Variants in N4BP2L2 observed in about 807,000 individuals in gnomAD.
N4BP2L2 encodes NEDD4 binding protein 2 like 2, also known as NEDD4-binding protein 2-like 2.
Under a neutral mutation model 56.2 loss-of-function variants are expected in N4BP2L2, and 50 were observed. That is an observed-to-expected ratio of 0.89 (90% CI 0.71 to 1.13). N4BP2L2 has a LOEUF of 1.13. Ranked by LOEUF, N4BP2L2 falls within the 50% of genes most tolerant of loss-of-function variation. The pLI, the probability that N4BP2L2 is intolerant of heterozygous loss-of-function variation, is 0.00. For missense variants in N4BP2L2, 689 were observed against 693.8 expected (o/e 0.99, Z 0.08); for synonymous variants, 203 against 223.6 (o/e 0.91, Z 0.82).
At chr13:32,535,968 A>G in exon 2 of N4BP2L2, 1 of 1,614,042 alleles carries the variant, frequency 6.2e-7, no homozygotes, top group Non-Finnish European at 8.5e-7. Flanking sequence ...TGCATACTGC[A>G]GCCATTTCCA....
intron 6 of N4BP2L2, among the ~76,000 whole-genome samples, chr13:32,466,244 T>A (rs943399263): frequency 6.6e-5 from 10 of 152,128 alleles, no homozygotes; most frequent in African/African-American, 2.4e-4. Flanking sequence ...TGCATTAATA[T>A]GGCTAAAAAA....
intron 6 of N4BP2L2, among the ~76,000 whole-genome samples, chr13:32,501,193 GA>G (rs2089941360): frequency 6.6e-6 from 1 of 152,082 alleles, no homozygotes; most frequent in African/African-American, 2.4e-5. Flanking sequence ...TGTGAAAACA[GA>G]AAACTGACAT....
At chr13:32,522,071 G>C (rs563066759) in intron 4 of N4BP2L2, 111 bp downstream of exon 4, 10 of 709,918 alleles carry the variant, frequency 1.4e-5, no homozygotes, top group Non-Finnish European at 1.9e-5. Flanking sequence ...AACCTCTTTA[G>C]AAAACAAAGG....
chr13:32,442,880 G>T, exon 7 of N4BP2L2: 1 of 1,613,104 alleles, frequency 6.2e-7, no homozygotes, highest in Non-Finnish European at 8.5e-7. Flanking sequence ...AATGGATGAT[G>T]ATCAAAGGTC....
chr13:32,439,913 C>G (rs2076048907), intron 7 of N4BP2L2, among the ~76,000 whole-genome samples: 1 of 149,892 alleles, frequency 6.7e-6, no homozygotes, highest in African/African-American at 2.4e-5. Context: ...GTAATCCCAC[C>G]TACTTGGGAA....
intron 6 of N4BP2L2, chr13:32,446,347 G>A (rs1343749070): frequency 7.3e-7 from 1 of 1,363,950 alleles, no homozygotes; most frequent in Admixed American, 1.9e-5. Context: ...TCTCCTTCAT[G>A]GCCAGTTCTA....
exon 6 of N4BP2L2, chr13:32,513,592 T>TA (rs1480037233): frequency 6.6e-6 from 1 of 152,202 alleles, no homozygotes; most frequent in African/African-American, 2.4e-5. Flanking sequence ...GGAAAATTTT[T>TA]AATTTATAAA....
chr13:32,528,141 AT>A (rs1477985253), intron 2 of N4BP2L2, among the ~76,000 whole-genome samples: 1 of 152,234 alleles, frequency 6.6e-6, no homozygotes, highest in African/African-American at 2.4e-5. Context: ...TCTCAAAATT[AT>A]ATCAACTATT....
At chr13:32,517,439 A>G (rs2049477261) in exon 6 of N4BP2L2, 1 of 997,454 alleles carries the variant, frequency 1.0e-6, no homozygotes, top group East Asian at 1.1e-4. Flanking sequence ...GTAAAGTTTT[A>G]TGAAAAGTTA....
At position 32,478,158 on chromosome 13, in the gene N4BP2L2, G is replaced by A. The variant is rs2083743873; in HGVS notation, c.366-34032C>T. On this transcript the variant is annotated intron_variant, in intron 6 of 9. Coordinates refer to the N4BP2L2 transcript ENST00000357505. ...CATGGCCAGAACATTCAATCTCAACGAAGAACTTGGGCAGGTAAAACATCT... is the reference window on the plus strand; with the variant it reads ...CATGGCCAGAACATTCAATCTCAACAAAGAACTTGGGCAGGTAAAACATCT... The A allele has an allele frequency of 8.6e-6, 7 of 814,872 alleles. No homozygotes were observed. In the South Asian group the frequency reaches 1.3e-4, roughly 15 times the overall value. The allele number at this position is 814,872 out of a possible 1,614,324, so 50.5% of individuals were successfully genotyped here.
intron 6 of N4BP2L2, among the ~76,000 whole-genome samples, chr13:32,500,185 G>T (rs1237140027): frequency 6.6e-6 from 1 of 152,084 alleles, no homozygotes; most frequent in African/African-American, 2.4e-5. Flanking sequence ...GCTCCCAAAA[G>T]AATTCATATG....
intron 8 of N4BP2L2, among the ~76,000 whole-genome samples, chr13:32,437,011 G>T (rs2075604238): frequency 6.6e-6 from 1 of 151,838 alleles, no homozygotes; most frequent in Non-Finnish European, 1.5e-5. Context: ...CTCCCAAGTA[G>T]CTGTGATTAC....
In N4BP2L2 at chr13:32,535,767, AC is replaced by A. The variant is rs758069984; in HGVS notation, c.1259+1del. 8.2e-5 allele frequency: 132 copies of A among 1,611,126 alleles called. No homozygotes were observed. Among genetic ancestry groups the A allele is most frequent in the Non-Finnish European group, 1.1e-4 (125 of 1,178,634 alleles). ...AGTATTCAGTTGGTATCCTTTACTT[AC>A]CGAGACAATGTTGTTTTCCCAGAAC... On this transcript the variant is annotated splice_donor_variant, in intron 2 of 5. Transcript: ENST00000267068. LOFTEE classifies it high-confidence loss of function.
At chr13:32,439,521 TA>T (rs2075946030) in intron 7 of N4BP2L2, among the ~76,000 whole-genome samples, 1 of 152,146 alleles carries the variant, frequency 6.6e-6, no homozygotes, top group South Asian at 2.1e-4. Context: ...AGGAGCCGAT[TA>T]AATCTATGGA....
exon 10 of N4BP2L2, chr13:32,432,913 ACT>A (rs1424458004): frequency 6.6e-6 from 1 of 152,206 alleles, no homozygotes; most frequent in Admixed American, 6.5e-5. Context: ...GGCACTGAGC[ACT>A]CTGACTTTTC....
intron 6 of N4BP2L2, among the ~76,000 whole-genome samples, chr13:32,497,342 T>C (rs1017992309): frequency 6.6e-6 from 1 of 152,236 alleles, no homozygotes; most frequent in Non-Finnish European, 1.5e-5. Context: ...AGTCTACTCA[T>C]CTTTCTTTAC....
chr13:32,472,358 T>A (rs2082473474), intron 6 of N4BP2L2, among the ~76,000 whole-genome samples: 1 of 152,236 alleles, frequency 6.6e-6, no homozygotes, highest in Admixed American at 6.5e-5. Context: ...TTCTTACTTA[T>A]TTGGTACTGC....
exon 2 of N4BP2L2, chr13:32,536,824 C>G (rs768914850): frequency 1.9e-6 from 3 of 1,613,880 alleles, no homozygotes; most frequent in Non-Finnish European, 2.5e-6. Flanking sequence ...TGTTCTCCTG[C>G]AAATAACTAT....
At chr13:32,495,013 T>C (rs1290614873) in intron 6 of N4BP2L2, among the ~76,000 whole-genome samples, 3 of 152,158 alleles carry the variant, frequency 2.0e-5, no homozygotes, top group African/African-American at 4.8e-5. Flanking sequence ...CTCTATTCCC[T>C]GTACCCAGGA....
Sources: gnomAD v4.1 joint callset for allele counts (sites outside exome capture counted in the v4.1 genomes callset) on GRCh38, gnomAD v4.1.1 for gene constraint, MANE v1.5 for transcripts, NCBI Gene and HGNC (gene_info 2026-07-23, HGNC 2026-07-21) for gene names.